The following DRAM1 variants were observed in gnomAD, a reference collection of about 807,000 sequenced individuals.
DRAM1 encodes DNA damage regulated autophagy modulator 1.
DRAM1 carries 25 observed loss-of-function variants against 28.5 expected under a neutral mutation model. The ratio of observed to expected loss-of-function variants is 0.88; its 90% CI spans 0.64 to 1.23. The LOEUF is 1.23. DRAM1 is among the 50% of genes most tolerant of loss of function. DRAM1 has a pLI of 0.00. For synonymous variants in DRAM1, 113 were observed against 114.2 expected, an observed-to-expected ratio of 0.99 and a Z score of 0.07; for missense variants, 249 against 299.2, an observed-to-expected ratio of 0.83 and a Z score of 1.24.
At chr12:101,914,859 T>C (rs889280885) in intron 5 of DRAM1, among the ~76,000 whole-genome samples, 9 of 152,118 alleles carry the variant, frequency 5.9e-5, no homozygotes, top group Admixed American at 4.6e-4. Flanking sequence ...GTTTTTCCCA[T>C]GTTGACCAGG....
intron 4 of DRAM1, among the ~76,000 whole-genome samples, chr12:101,910,667 G>C (rs990262066): frequency 5.3e-5 from 8 of 151,438 alleles, no homozygotes; most frequent in African/African-American, 1.7e-4. Context: ...TAGTAGAGAC[G>C]GGGGTTTCAC....
At position 101,901,207 on chromosome 12, in the gene DRAM1, T is replaced by A. The variant is rs979325444; in HGVS notation, c.200-84T>A. 1.7e-5 allele frequency: 26 copies of A among 1,492,644 alleles called. No individual in the cohort carries two copies. In the South Asian group the frequency reaches 2.3e-4, roughly 13 times the overall value. 92.5% of individuals were successfully genotyped at this position (1,492,644 alleles called of 1,614,324 possible). A position where few individuals can be genotyped will look rare whatever the true frequency, so the allele number is the denominator to read the frequency against. On this transcript the variant is annotated intron_variant, in intron 2 of 6. Coordinates refer to ENST00000258534, the MANE Select transcript of DRAM1 (RefSeq NM_018370.3). ...GGGAGACTTGCAATCAGTACATTTT[T>A]AAAAAGTGATACAAAGCTGCTCCTG...
At chr12:101,891,058 C>T (rs942743540) in intron 1 of DRAM1, among the ~76,000 whole-genome samples, 4 of 151,918 alleles carry the variant, frequency 2.6e-5, no homozygotes, top group Non-Finnish European at 5.9e-5. Flanking sequence ...CTGCCCCCCA[C>T]ATTCTAAAAC....
chr12:101,916,238 T>G (rs923586598), intron 5 of DRAM1, among the ~76,000 whole-genome samples: 3 of 152,196 alleles, frequency 2.0e-5, no homozygotes, highest in African/African-American at 7.2e-5. Context: ...CTAGGCCAGG[T>G]GCTGTGGTTC....
chr12:101,889,515 GA>G (rs142793645), intron 1 of DRAM1, among the ~76,000 whole-genome samples: 16 of 113,872 alleles, frequency 1.4e-4, no homozygotes, highest in Admixed American at 6.4e-4. Context: ...AGGAAGGAAG[GA>G]AAGGAAGGAA....
rs1372490429 is a variant in DRAM1, at chr12:101,895,186, G to GTTTGTTT, written c.132-2674_132-2673insGTTTTTT. ...TAATGCTAAATTCGAAACCCTTCAG[G>GTTTGTTT]TTTTTTTTTTTTTTTTTTTTTTTTT... On this transcript the variant is annotated intron_variant, in intron 1 of 6. Transcript: ENST00000258534. 3.3e-4 allele frequency among the ~76,000 whole-genome samples: 25 copies of GTTTGTTT among 75,732 alleles called. 4 individuals carry two copies. The highest frequency in any genetic ancestry group is 1.2e-3 in the African/African-American group (21 of 18,078). 49.7% of individuals were successfully genotyped at this position (75,732 alleles called of 152,430 possible).
intron 6 of DRAM1, among the ~76,000 whole-genome samples, chr12:101,920,457 A>G (rs543111278): frequency 1.3e-5 from 2 of 152,306 alleles, no homozygotes; most frequent in East Asian, 3.9e-4. Context: ...TTCATGTGTT[A>G]GCTTATTCCC....
At chr12:101,896,910 C>T (rs7955091) in intron 1 of DRAM1, among the ~76,000 whole-genome samples, 6,740 of 151,850 alleles carry the variant, frequency 0.044, 271 homozygotes, top group African/African-American at 0.11. Flanking sequence ...GCCTCAGCCT[C>T]CTGAGTAGCT....
In DRAM1 at chr12:101,908,290, C is replaced by G; in HGVS notation, c.447C>G (p.Pro149=). ...LQSIISYKSC[P]QWNSLSTCHI... is the part of the protein sequence containing the mutation. ...CCATCATCTCTTACAAATCATGTCC[C>G]CAGTGGAACAGTCTCTCGACATGCC... Residue 149 remains proline, a synonymous_variant, in exon 4 of 7, where the codon CCC becomes CCG. Coordinates refer to ENST00000258534, the MANE Select transcript of DRAM1 (RefSeq NM_018370.3). 1 of 1,614,184 alleles carries G rather than the reference C, an allele frequency of 6.2e-7. No individual in the cohort carries two copies. Among genetic ancestry groups the G allele is most frequent in the Non-Finnish European group, 8.5e-7 (1 of 1,180,040 alleles).
Position 101,920,213 on chromosome 12 carries a change from T to A in DRAM1, c.672+12T>A. 1 of 1,583,352 alleles carries A rather than the reference T, an allele frequency of 6.3e-7. No homozygotes were observed. Among genetic ancestry groups the A allele is most frequent in the Non-Finnish European group, 8.6e-7 (1 of 1,157,828 alleles). The stretch of plus-strand genomic sequence containing the variant: ...TCCAAGATTTCCAGGTAGGTGTTTA[T>A]CAATTCAAATGTTTTAAATTGCGGA... On this transcript the variant is annotated intron_variant, in intron 6 of 6. Transcript: ENST00000258534.
At chr12:101,896,238 A>G (rs1873366663) in intron 1 of DRAM1, among the ~76,000 whole-genome samples, 1 of 152,226 alleles carries the variant, frequency 6.6e-6, no homozygotes, top group Admixed American at 6.5e-5. Context: ...CGCAAAACTT[A>G]AAAAATTCCT....
At chr12:101,879,109 C>T (rs1455258781) in intron 1 of DRAM1, among the ~76,000 whole-genome samples, 7 of 152,140 alleles carry the variant, frequency 4.6e-5, no homozygotes, top group African/African-American at 1.4e-4. Context: ...ATTCTCCTGC[C>T]TCAGCCTCCC....
intron 1 of DRAM1, among the ~76,000 whole-genome samples, chr12:101,894,238 C>T (rs1873257221): frequency 6.6e-6 from 1 of 152,166 alleles, no homozygotes; most frequent in South Asian, 2.1e-4. Flanking sequence ...CTGCCTCAGC[C>T]TCCTGAGTAG....
intron 3 of DRAM1, 186 bp downstream of exon 3, chr12:101,901,619 C>T: frequency 3.2e-6 from 2 of 632,718 alleles, no homozygotes; most frequent in South Asian, 2.1e-5. Flanking sequence ...GGTGTGGTGG[C>T]TCACACCTGT....
intron 3 of DRAM1, among the ~76,000 whole-genome samples, chr12:101,902,750 T>C (rs1873652351): frequency 6.6e-6 from 1 of 152,208 alleles, no homozygotes; most frequent in South Asian, 2.1e-4. Flanking sequence ...AATCTTAACT[T>C]CCCAAGGAGC....
chr12:101,910,829 G>A (rs1048904988), intron 4 of DRAM1, among the ~76,000 whole-genome samples: 5 of 152,090 alleles, frequency 3.3e-5, no homozygotes, highest in African/African-American at 1.2e-4. Context: ...GCCCCATACA[G>A]AAAGGGGTTA....
chr12:101,889,931 A>C (rs181695684), intron 1 of DRAM1, among the ~76,000 whole-genome samples: 4 of 123,014 alleles, frequency 3.3e-5, no homozygotes, highest in African/African-American at 9.6e-5. Flanking sequence ...CAAGAGTTAG[A>C]CTCTGTCTCA....
chr12:101,888,886 C>T (rs1003751390), intron 1 of DRAM1, among the ~76,000 whole-genome samples: 3 of 145,474 alleles, frequency 2.1e-5, no homozygotes, highest in Non-Finnish European at 4.4e-5. Flanking sequence ...CTCACTGCAG[C>T]GTCTGCCTTC....
At chr12:101,893,833 G>A (rs1873236658) in intron 1 of DRAM1, among the ~76,000 whole-genome samples, 1 of 150,488 alleles carries the variant, frequency 6.6e-6, no homozygotes, top group South Asian at 2.1e-4. Context: ...AGTGCTTTTG[G>A]TTCCACCTGT....
Sources: allele counts gnomAD v4.1 joint callset (sites outside exome capture counted in the v4.1 genomes callset), GRCh38; gene constraint gnomAD v4.1.1; transcripts MANE v1.5; gene names NCBI Gene and HGNC (gene_info 2026-07-23, HGNC 2026-07-21).